NPAT: variants seen among roughly 807,000 people sequenced by gnomAD.
NPAT encodes the protein nuclear protein, coactivator of histone transcription.
Under a neutral mutation model 130.7 loss-of-function variants are expected in NPAT, and 52 were observed. The observed-to-expected ratio is 0.40, with a 90% CI of 0.32 to 0.50. NPAT has a LOEUF of 0.50. Among genes scored for constraint, NPAT ranks in the 20% least tolerant of loss-of-function variants. NPAT has a pLI of 0.68. For missense variants in NPAT, 1,687 were observed against 1,662.6 expected, an observed-to-expected ratio of 1.01 and a Z score of -0.26; for synonymous variants, 580 against 584.8, an observed-to-expected ratio of 0.99 and a Z score of 0.12.
At chr11:108,217,919 G>A (rs904698162) in intron 1 of NPAT, among the ~76,000 whole-genome samples, 1 of 152,150 alleles carries the variant, frequency 6.6e-6, no homozygotes, top group East Asian at 1.9e-4. Context: ...CTTGAACCTG[G>A]GAGGCAGAGG....
Position 108,173,288 on chromosome 11 carries a change from C to A in NPAT, c.1696G>T (p.Gly566Cys). The A allele has an allele frequency of 1.2e-6, 2 of 1,611,800 alleles. No homozygotes were observed. Among genetic ancestry groups the A allele is most frequent in the Non-Finnish European group, 1.7e-6 (2 of 1,178,476 alleles). ...TCACTAGAATCTGATGACTTGGAAC[C>A]ATGAAAATTAATTTTAAGTTTTACT... ...DTVKLKINFHGSKSSDSSEVH... is the reference protein window; with the variant it reads ...DTVKLKINFHCSKSSDSSEVH... Residue 566 changes from glycine to cysteine, a missense_variant, in exon 13 of 18, where the codon GGT becomes TGT. Physicochemically the swap from Gly to Cys is radical, Grantham distance 159. Around this residue, in one of 3 missense-constraint regions of NPAT, gnomAD observed 1,379 missense variants for 1,346.6 expected, o/e 1.02. Coordinates refer to ENST00000278612, the MANE Select transcript of NPAT (RefSeq NM_002519.3).
chr11:108,173,078 A>G lies in NPAT; in HGVS notation c.1906T>C (p.Ser636Pro), dbSNP rs374999685. The change falls in exon 13 of 18, where the codon TCT (serine) becomes CCT (proline). Residue 636 changes from serine (S) to proline (P), a missense_variant. Coordinates refer to ENST00000278612, the MANE Select transcript of NPAT (RefSeq NM_002519.3). ...GDSLSSTKQPSNDSASVELNH... is the reference protein window; with the variant it reads ...GDSLSSTKQPPNDSASVELNH... ...AACTCAACAGATGCTGAATCATTAG[A>G]TGGTTGTTTAGTAGAAGACAGCGAA... 14 of 1,614,092 alleles carry G rather than the reference A, an allele frequency of 8.7e-6. No homozygotes were observed. The East Asian group carries it at 1.3e-4, about 15-fold the overall frequency.
intron 10 of NPAT, among the ~76,000 whole-genome samples, chr11:108,179,721 G>A (rs1386774938): frequency 6.6e-6 from 1 of 152,086 alleles, no homozygotes; most frequent in African/African-American, 2.4e-5. Context: ...GGCCAAGGCA[G>A]GAGGATGGCT....
At chr11:108,162,604 G>C (rs1227288097) in intron 15 of NPAT, among the ~76,000 whole-genome samples, 2 of 151,990 alleles carry the variant, frequency 1.3e-5, no homozygotes, top group East Asian at 3.9e-4. Flanking sequence ...CTAATTTTTT[G>C]TATTTTTAGT....
chr11:108,204,543 T>C (rs2078307254), intron 1 of NPAT, among the ~76,000 whole-genome samples: 1 of 113,300 alleles, frequency 8.8e-6, no homozygotes, highest in Admixed American at 1.0e-4. Flanking sequence ...GACAAAACCC[T>C]GGAACCTGCC....
Position 108,209,888 on chromosome 11 carries a change from C to CAA in NPAT, c.38-12470_38-12469dup, listed in dbSNP as rs58890849. Among the ~76,000 whole-genome samples the CAA allele has an allele frequency of 2.8e-3, 200 of 70,798 alleles. 3 individuals carry two copies. The highest frequency in any genetic ancestry group is 0.011 in the African/African-American group (167 of 15,028). 46.4% of individuals were successfully genotyped at this position (70,798 alleles called of 152,430 possible). ...TGGGGAACAGAGTGAGACTTCATCT[C>CAA]AAAAAAAAAAAAAAAAAAAAAAAAA... On this transcript the variant is annotated intron_variant, in intron 1 of 17. Coordinates refer to ENST00000278612, the MANE Select transcript of NPAT (RefSeq NM_002519.3).
At position 108,160,941 on chromosome 11, in the gene NPAT, G is replaced by C. The variant is rs934142971; in HGVS notation, c.4145C>G (p.Ser1382Cys). The C allele has an allele frequency of 4.8e-5, 77 of 1,613,990 alleles. No homozygotes were observed. Among genetic ancestry groups the C allele is most frequent in the Non-Finnish European group, 6.4e-5 (76 of 1,180,010 alleles). Residue 1382 changes from serine to cysteine, a missense_variant, in exon 17 of 18, where the codon TCT becomes TGT. By Grantham distance (112) the Ser-to-Cys change is moderately radical. Transcript: ENST00000278612. Reference protein sequence around the residue: ...IEELDERERNSRPSSKNLTNS... With the variant: ...IEELDERERNCRPSSKNLTNS... ...TGTAAGATTTTTACTAGAAGGACGA[G>C]AGTTTCGCTCACGTTCATCTAATTC...
intron 12 of NPAT, among the ~76,000 whole-genome samples, chr11:108,175,253 T>G (rs1481276015): frequency 6.6e-6 from 1 of 152,228 alleles, no homozygotes; most frequent in Non-Finnish European, 1.5e-5. Flanking sequence ...AACTTTACCA[T>G]AGGTATGCCT....
At chr11:108,200,613 A>C (rs1241808480) in intron 1 of NPAT, among the ~76,000 whole-genome samples, 2 of 152,144 alleles carry the variant, frequency 1.3e-5, no homozygotes, top group Non-Finnish European at 2.9e-5. Flanking sequence ...CAGAGACAAT[A>C]TCCCCTAAAA....
At position 108,158,865 on chromosome 11, in the gene NPAT, G is replaced by A; in HGVS notation, c.*77C>T. ...AGTGCAGGTCATGCTTTCAGATTCTGTCAATATCCCATTCCCTACACTCAG... is the reference window on the plus strand; with the variant it reads ...AGTGCAGGTCATGCTTTCAGATTCTATCAATATCCCATTCCCTACACTCAG... On this transcript the variant is annotated 3_prime_UTR_variant, in exon 18 of 18. Transcript: ENST00000278612. 2.4e-6 allele frequency: 2 copies of A among 845,986 alleles called. No homozygotes were observed. The highest frequency in any genetic ancestry group is 4.0e-6 in the Non-Finnish European group (2 of 495,286). The allele number at this position is 845,986 out of a possible 1,614,324, so 52.4% of individuals were successfully genotyped here.
chr11:108,192,611 C>G (rs114551376), intron 3 of NPAT, among the ~76,000 whole-genome samples: 4 of 152,132 alleles, frequency 2.6e-5, no homozygotes, highest in Admixed American at 2.0e-4. Context: ...CCTCAATTTT[C>G]TCATATTTAA....
intron 1 of NPAT, among the ~76,000 whole-genome samples, chr11:108,216,260 T>C (rs1301133351): frequency 1.3e-5 from 2 of 152,124 alleles, no homozygotes; most frequent in African/African-American, 2.4e-5. Context: ...TGATAGACGG[T>C]GGTATTAAAA....
At chr11:108,218,015 A>T (rs1315934703) in intron 1 of NPAT, among the ~76,000 whole-genome samples, 1 of 152,198 alleles carries the variant, frequency 6.6e-6, no homozygotes, top group Admixed American at 6.5e-5. Context: ...AATAAAATAG[A>T]AAATACAAAC....
In NPAT at chr11:108,179,799, T is replaced by TA. The variant is rs369117271; in HGVS notation, c.907-2710dup. Among the ~76,000 whole-genome samples, 624 of 151,420 alleles carry TA rather than the reference T, an allele frequency of 4.1e-3. 3 individuals are homozygous for TA. The highest frequency in any genetic ancestry group is 0.014 in the African/African-American group (580 of 41,256). On this transcript the variant is annotated intron_variant, in intron 10 of 17. Coordinates refer to ENST00000278612, the MANE Select transcript of NPAT (RefSeq NM_002519.3). Reference sequence around the variant, plus strand: ...CCTCACCTCTATAAATAGAAATAAATAAATAAAATAAAATAAAAAGAAATC... The same window carrying TA: ...CCTCACCTCTATAAATAGAAATAAATAAAATAAAATAAAATAAAAAGAAATC...
At chr11:108,198,994 C>T (rs1256543162) in intron 1 of NPAT, among the ~76,000 whole-genome samples, 1 of 152,230 alleles carries the variant, frequency 6.6e-6, no homozygotes, top group African/African-American at 2.4e-5. Flanking sequence ...AGCTACCCAA[C>T]AGGAAGCAGG....
chr11:108,192,825 G>A (rs1294936350), intron 3 of NPAT, among the ~76,000 whole-genome samples: 1 of 152,082 alleles, frequency 6.6e-6, no homozygotes, highest in African/African-American at 2.4e-5. Flanking sequence ...ATGGTGGCGT[G>A]CGCCTATAGT....
At chr11:108,196,406 A>C (rs1330069286) in intron 2 of NPAT, among the ~76,000 whole-genome samples, 1 of 152,206 alleles carries the variant, frequency 6.6e-6, no homozygotes, top group Non-Finnish European at 1.5e-5. Context: ...CTTTTTCAGA[A>C]ACTGTTTAGG....
intron 16 of NPAT, 49 bp from the exon 17 acceptor site, chr11:108,162,063 T>G: frequency 1.9e-6 from 3 of 1,612,148 alleles, no homozygotes; most frequent in Non-Finnish European, 2.5e-6. Context: ...AAGAAATCCT[T>G]TATGTTTTAA....
chr11:108,186,082 T>C (rs144319185), intron 8 of NPAT, among the ~76,000 whole-genome samples: 1 of 152,054 alleles, frequency 6.6e-6, no homozygotes, highest in African/African-American at 2.4e-5. Flanking sequence ...AGTGGTATGA[T>C]CATGGCTCAC....
Sources: allele counts gnomAD v4.1 joint callset (sites outside exome capture counted in the v4.1 genomes callset), GRCh38; gene constraint gnomAD v4.1.1; regional missense constraint gnomAD v4.1.1; transcripts MANE v1.5; gene names NCBI Gene and HGNC (gene_info 2026-07-23, HGNC 2026-07-21).